The following QTMAN variants were observed in gnomAD, a reference collection of about 807,000 sequenced individuals.
The protein encoded by QTMAN is tRNA-queuosine alpha-mannosyltransferase.
chr2:144,324,052 C>G, the QTMAN span, among the ~76,000 whole-genome samples: 3 of 152,130 alleles, frequency 2.0e-5, no homozygotes, highest in African/African-American at 7.2e-5. Context: ...TTCTTTAAAT[C>G]TTCATTAGTA....
chr2:144,256,254 T>C, the QTMAN span, among the ~76,000 whole-genome samples: 5 of 152,212 alleles, frequency 3.3e-5, no homozygotes, highest in African/African-American at 9.6e-5. Flanking sequence ...TGAGAAGCAG[T>C]TCTTATTGTC....
At chr2:144,227,905 C>T in the QTMAN span, among the ~76,000 whole-genome samples, 58 of 152,140 alleles carry the variant, frequency 3.8e-4, no homozygotes, top group Non-Finnish European at 7.8e-4. Context: ...CATTTGTTAC[C>T]TCATTCTAGA....
the QTMAN span, among the ~76,000 whole-genome samples, chr2:144,133,290 TAA>T: frequency 6.1e-5 from 4 of 65,514 alleles, no homozygotes; most frequent in African/African-American, 1.8e-4. Flanking sequence ...TATACATATA[TAA>T]ATATATATGT....
the QTMAN span, among the ~76,000 whole-genome samples, chr2:144,012,173 T>C: frequency 2.6e-5 from 4 of 152,216 alleles, no homozygotes; most frequent in African/African-American, 9.6e-5. Flanking sequence ...TTCCCACCTC[T>C]GTCCGCCAGT....
the QTMAN span, among the ~76,000 whole-genome samples, chr2:144,050,044 T>A: frequency 6.6e-6 from 1 of 152,154 alleles, no homozygotes; most frequent in Non-Finnish European, 1.5e-5. Context: ...GAACAACAAA[T>A]CTATATATTT....
the QTMAN span, among the ~76,000 whole-genome samples, chr2:144,184,967 G>C: frequency 6.6e-6 from 1 of 152,196 alleles, no homozygotes; most frequent in South Asian, 2.1e-4. Flanking sequence ...CTGAAACTTA[G>C]CTTTTTCAAC....
chr2:144,275,877 G>C, the QTMAN span, among the ~76,000 whole-genome samples: 4 of 151,990 alleles, frequency 2.6e-5, no homozygotes, highest in African/African-American at 9.7e-5. Flanking sequence ...ATATAATGTT[G>C]TAAATAATTT....
At chr2:144,110,191 C>A in the QTMAN span, among the ~76,000 whole-genome samples, 9 of 152,146 alleles carry the variant, frequency 5.9e-5, no homozygotes, top group African/African-American at 1.9e-4. Context: ...CACATATATA[C>A]CATGGAATAC....
At chr2:143,944,625 T>C in the QTMAN span, 2 of 152,376 alleles carry the variant, frequency 1.3e-5, no homozygotes, top group Non-Finnish European at 1.5e-5. Flanking sequence ...TTTGTATTTT[T>C]AGTAGAGATG....
the QTMAN span, among the ~76,000 whole-genome samples, chr2:144,112,676 C>T: frequency 5.9e-5 from 9 of 152,324 alleles, no homozygotes; most frequent in Admixed American, 4.6e-4. Flanking sequence ...CCAGCTTTGC[C>T]GTGCTGTATC....
At chr2:144,317,434 G>GAA in the QTMAN span, 45 of 150,714 alleles carry the variant, frequency 3.0e-4, no homozygotes, top group Admixed American at 2.0e-3. Context: ...AGGAAGGAAG[G>GAA]GACAATAAAA....
At chr2:144,109,276 C>CA in the QTMAN span, among the ~76,000 whole-genome samples, 1 of 152,140 alleles carries the variant, frequency 6.6e-6, no homozygotes, top group Middle Eastern at 3.4e-3. Context: ...ACAAACCTGA[C>CA]AAAAACAAGA....
chr2:144,251,187 T>G, the QTMAN span, among the ~76,000 whole-genome samples: 1 of 152,098 alleles, frequency 6.6e-6, no homozygotes, highest in Non-Finnish European at 1.5e-5. Context: ...ATGTATTTTT[T>G]AAAAAACATC....
At chr2:144,016,597 A>G in the QTMAN span, among the ~76,000 whole-genome samples, 1 of 152,148 alleles carries the variant, frequency 6.6e-6, no homozygotes, top group Non-Finnish European at 1.5e-5. Context: ...AAACCCTAAA[A>G]ATGGTCTCTA....
At chr2:144,303,080 TGACAGA>T in the QTMAN span, among the ~76,000 whole-genome samples, 1 of 151,780 alleles carries the variant, frequency 6.6e-6, no homozygotes, top group Non-Finnish European at 1.5e-5. Flanking sequence ...CCAGCCTGGG[TGACAGA>T]GACAGAGCGA....
At chr2:144,182,861 A>T in the QTMAN span, among the ~76,000 whole-genome samples, 12 of 66,752 alleles carry the variant, frequency 1.8e-4, 1 homozygote, top group Admixed American at 9.2e-4. Context: ...TTTTATATAT[A>T]ATATATATAT....
the QTMAN span, among the ~76,000 whole-genome samples, chr2:144,134,461 T>C: frequency 1.3e-5 from 2 of 152,232 alleles, no homozygotes; most frequent in Admixed American, 6.6e-5. Flanking sequence ...CTCTTCAATG[T>C]CAAAAATGTA....
chr2:144,108,506 C>T, the QTMAN span, among the ~76,000 whole-genome samples: 26 of 152,014 alleles, frequency 1.7e-4, no homozygotes, highest in African/African-American at 6.3e-4. Flanking sequence ...AGAGTGGTGG[C>T]AGGTGCCTGT....
At chr2:144,246,446 G>A in the QTMAN span, among the ~76,000 whole-genome samples, 3 of 150,812 alleles carry the variant, frequency 2.0e-5, no homozygotes, top group South Asian at 2.1e-4. Flanking sequence ...GGTGGCGGGC[G>A]CCTGTAGTCC....
Sources: allele counts gnomAD v4.1 joint callset (sites outside exome capture counted in the v4.1 genomes callset), GRCh38; gene constraint gnomAD v4.1.1; transcripts MANE v1.5; gene names NCBI Gene and HGNC (gene_info 2026-07-23, HGNC 2026-07-21).